Variants in PTPRT observed in about 807,000 individuals in gnomAD.
PTPRT encodes receptor-type tyrosine-protein phosphatase T.
Under a neutral mutation model 176.8 loss-of-function variants are expected in PTPRT, and 56 were observed. That is an observed-to-expected ratio of 0.32 (90% CI 0.26 to 0.40). The LOEUF is 0.40. Among genes scored for constraint, PTPRT ranks in the 10% least tolerant of loss-of-function variants. The pLI, the probability that PTPRT is intolerant of heterozygous loss-of-function variation, is 1.00. For missense variants in PTPRT, 1,540 were observed against 1,908.2 expected (o/e 0.81, Z 3.60); for synonymous variants, 783 against 739.0 (o/e 1.06, Z -0.96).
At position 42,919,483 on chromosome 20, in the gene PTPRT, C is replaced by T. The variant is rs206681; in HGVS notation, c.89-33551G>A. Among the ~76,000 whole-genome samples, 1,024 of 152,314 alleles carry T rather than the reference C, an allele frequency of 6.7e-3. 15 individuals are homozygous for T. The highest frequency in any genetic ancestry group is 0.023 in the African/African-American group (965 of 41,572). ...TGCCCCAGAGATGCCAGCTGGAAAA[C>T]GCTAAGAGCAGGTGGCCAAGTCCTT... On this transcript the variant is annotated intron_variant, in intron 1 of 30. Transcript: ENST00000373187.
chr20:42,139,328 C>G (rs573025797), intron 18 of PTPRT, among the ~76,000 whole-genome samples: 6 of 152,294 alleles, frequency 3.9e-5, no homozygotes, highest in Non-Finnish European at 1.5e-5. Flanking sequence ...CTTCAGTTCT[C>G]TCTGTCTCCA....
intron 7 of PTPRT, among the ~76,000 whole-genome samples, chr20:42,565,745 C>A (rs62203782): frequency 0.022 from 3,363 of 152,138 alleles, 62 homozygotes; most frequent in South Asian, 0.097. Context: ...AGGGGATGAG[C>A]GCATTGGTGT....
At chr20:42,197,558 G>A (rs1363763169) in intron 16 of PTPRT, among the ~76,000 whole-genome samples, 2 of 151,852 alleles carry the variant, frequency 1.3e-5, no homozygotes, top group African/African-American at 4.8e-5. Flanking sequence ...AGGACATTGA[G>A]GCAATTTGAC....
At chr20:42,061,208 T>C in the PTPRT span, among the ~76,000 whole-genome samples, 435 of 152,312 alleles carry the variant, frequency 2.9e-3, 2 homozygotes, top group African/African-American at 9.8e-3. Flanking sequence ...AGGGGCCTCA[T>C]GTGGAACTCG....
chr20:42,104,742 T>G, intron 24 of PTPRT, 24 bp from the exon 25 acceptor site: 5 of 1,547,290 alleles, frequency 3.2e-6, no homozygotes, highest in Non-Finnish European at 4.5e-6. Context: ...AGAGAGGGAA[T>G]GGGGTGCCAG....
chr20:43,107,801 C>T (rs1174045419), intron 1 of PTPRT, among the ~76,000 whole-genome samples: 4 of 152,062 alleles, frequency 2.6e-5, no homozygotes, highest in Admixed American at 6.5e-5. Context: ...AGGGATGAGG[C>T]GAAGAAGGTG....
intron 1 of PTPRT, among the ~76,000 whole-genome samples, chr20:43,109,077 T>C (rs74366329): frequency 6.6e-4 from 100 of 151,088 alleles, no homozygotes; most frequent in African/African-American, 2.3e-3. Context: ...CCATTTTCTA[T>C]TTTTTTTTCC....
intron 7 of PTPRT, among the ~76,000 whole-genome samples, chr20:42,474,200 C>T (rs1024728347): frequency 3.9e-5 from 6 of 152,238 alleles, no homozygotes; most frequent in Admixed American, 6.5e-5. Context: ...TGGGAGCACC[C>T]TTATGCAAAA....
intron 9 of PTPRT, among the ~76,000 whole-genome samples, chr20:42,435,454 T>A (rs532488436): frequency 7.9e-5 from 12 of 152,156 alleles, no homozygotes; most frequent in Non-Finnish European, 1.6e-4. Context: ...TGAAAGAGCT[T>A]TCTGGCAATA....
intron 1 of PTPRT, among the ~76,000 whole-genome samples, chr20:43,121,382 T>C (rs531774174): frequency 7.9e-5 from 12 of 152,370 alleles, no homozygotes; most frequent in Non-Finnish European, 1.6e-4. Context: ...GAGATAATGC[T>C]TCATAAATTA....
intron 9 of PTPRT, among the ~76,000 whole-genome samples, chr20:42,363,804 T>C (rs1780562712): frequency 6.6e-6 from 1 of 152,092 alleles, no homozygotes; most frequent in Non-Finnish European, 1.5e-5. Flanking sequence ...TCTTCACAGA[T>C]AGGAAGAGGC....
chr20:42,750,015 GA>G (rs1349584090), intron 6 of PTPRT, among the ~76,000 whole-genome samples: 3 of 151,796 alleles, frequency 2.0e-5, no homozygotes, highest in African/African-American at 7.3e-5. Flanking sequence ...TGTAAATGCT[GA>G]AAAAAAACTT....
chr20:42,192,569 G>A (rs898606799), intron 16 of PTPRT, among the ~76,000 whole-genome samples: 2 of 152,158 alleles, frequency 1.3e-5, no homozygotes, highest in Non-Finnish European at 2.9e-5. Flanking sequence ...CTCTTTGGCA[G>A]AAAATACCTC....
intron 1 of PTPRT, among the ~76,000 whole-genome samples, chr20:42,889,386 C>T (rs1028399480): frequency 1.1e-4 from 17 of 152,238 alleles, no homozygotes; most frequent in Non-Finnish European, 2.1e-4. Context: ...TGCAGAAGAA[C>T]TCACTTAGAG....
chr20:42,227,394 G>C (rs1457318882), intron 15 of PTPRT, among the ~76,000 whole-genome samples: 1 of 152,064 alleles, frequency 6.6e-6, no homozygotes, highest in Non-Finnish European at 1.5e-5. Context: ...AAGTTCTGAA[G>C]GGGGGCTGTT....
At chr20:42,095,471 C>T (rs1985107749) in intron 27 of PTPRT, among the ~76,000 whole-genome samples, 1 of 152,206 alleles carries the variant, frequency 6.6e-6, no homozygotes, top group South Asian at 2.1e-4. Flanking sequence ...TTCCCTCTGC[C>T]TGTGATGCCC....
intron 17 of PTPRT, among the ~76,000 whole-genome samples, chr20:42,146,211 G>A (rs1988860864): frequency 1.3e-5 from 2 of 152,060 alleles, no homozygotes; most frequent in South Asian, 4.2e-4. Flanking sequence ...GTATGTGAAG[G>A]GAGGTTGCTG....
intron 7 of PTPRT, among the ~76,000 whole-genome samples, chr20:42,597,093 T>C (rs2073684384): frequency 6.6e-6 from 1 of 152,166 alleles, no homozygotes; most frequent in African/African-American, 2.4e-5. Context: ...GGCTTAGATC[T>C]CATCTTAGGC....
chr20:42,049,536 G>A, the PTPRT span, among the ~76,000 whole-genome samples: 1 of 152,192 alleles, frequency 6.6e-6, no homozygotes, highest in Non-Finnish European at 1.5e-5. Context: ...AACTTTGAAA[G>A]AAACCAACCT....
Sources: allele counts gnomAD v4.1 joint callset (sites outside exome capture counted in the v4.1 genomes callset), GRCh38; gene constraint gnomAD v4.1.1; transcripts MANE v1.5; gene names NCBI Gene and HGNC (gene_info 2026-07-23, HGNC 2026-07-21).